Variants in IKZF3 observed in about 807,000 individuals in gnomAD.
IKZF3 encodes zinc finger protein Aiolos.
IKZF3 carries 10 observed loss-of-function variants against 49.0 expected under a neutral mutation model. That is an observed-to-expected ratio of 0.20 (90% CI 0.13 to 0.35). The LOEUF is 0.35. IKZF3 is among the 10% of genes least tolerant of loss of function. The pLI is 1.00. For missense variants in IKZF3, 498 were observed against 664.8 expected (o/e 0.75, Z 2.76); for synonymous variants, 209 against 228.2 (o/e 0.92, Z 0.76).
At chr17:39,820,762 C>A (rs2061790362) in intron 3 of IKZF3, among the ~76,000 whole-genome samples, 1 of 152,174 alleles carries the variant, frequency 6.6e-6, no homozygotes, top group Non-Finnish European at 1.5e-5. Context: ...GGCCACTAGA[C>A]AGCCTCAGGA....
At chr17:39,780,902 G>A (rs569451709) in intron 6 of IKZF3, among the ~76,000 whole-genome samples, 1 of 152,338 alleles carries the variant, frequency 6.6e-6, no homozygotes, top group Admixed American at 6.5e-5. Flanking sequence ...ATATTTACTA[G>A]ACAGTGAGTT....
intron 3 of IKZF3, among the ~76,000 whole-genome samples, chr17:39,809,654 A>G (rs928400551): frequency 1.3e-5 from 2 of 152,258 alleles, no homozygotes; most frequent in Non-Finnish European, 2.9e-5. Flanking sequence ...TGTCAGGGGC[A>G]GATGATGTCT....
intron 6 of IKZF3, among the ~76,000 whole-genome samples, chr17:39,784,071 C>A (rs748113063): frequency 6.6e-6 from 1 of 152,158 alleles, no homozygotes; most frequent in South Asian, 2.1e-4. Flanking sequence ...GCTTGAAGAA[C>A]TATTGAAGAT....
intron 1 of IKZF3, among the ~76,000 whole-genome samples, chr17:39,851,594 A>G (rs2062877421): frequency 6.6e-6 from 1 of 152,204 alleles, no homozygotes; most frequent in Admixed American, 6.5e-5. Context: ...TTTATATGAA[A>G]TTCAACAACA....
intron 3 of IKZF3, among the ~76,000 whole-genome samples, chr17:39,813,451 C>A (rs758384044): frequency 1.3e-5 from 2 of 151,840 alleles, no homozygotes. Context: ...TTGAGACTAG[C>A]CTGGGCAACA....
At chr17:39,844,750 G>A (rs2062579813) in intron 1 of IKZF3, among the ~76,000 whole-genome samples, 2 of 152,056 alleles carry the variant, frequency 1.3e-5, no homozygotes, top group South Asian at 2.1e-4. Context: ...AGCCTCCCAA[G>A]TAGCTGGGAT....
chr17:39,811,381 AGGAAGGAAGAAAGGAC>A (rs71152604), intron 3 of IKZF3, among the ~76,000 whole-genome samples: 7,246 of 149,032 alleles, frequency 0.049, 248 homozygotes, highest in African/African-American at 0.097. Flanking sequence ...GAAGGAAGGA[AGGAAGGAAGAAAGGAC>A]GGAAGGAAGA....
At chr17:39,795,211 G>C (rs1011422568) in intron 3 of IKZF3, among the ~76,000 whole-genome samples, 2 of 152,116 alleles carry the variant, frequency 1.3e-5, no homozygotes, top group African/African-American at 2.4e-5. Flanking sequence ...CTTAGCTTTA[G>C]TCCTTTAGGA....
At chr17:39,793,024 A>G (rs1234017138) in intron 3 of IKZF3, 91 bp from the exon 4 acceptor site, 2 of 1,270,296 alleles carry the variant, frequency 1.6e-6, no homozygotes, top group Non-Finnish European at 2.2e-6. Context: ...CTGACAATTA[A>G]ATACCAATCG....
At position 39,762,134 on chromosome 17, in the gene IKZF3, T is replaced by C. The variant is rs530709937; in HGVS notation, c.*3656A>G. On this transcript the variant is annotated 3_prime_UTR_variant, in exon 8 of 8. Coordinates refer to ENST00000346872, the MANE Select transcript of IKZF3 (RefSeq NM_012481.5). Reference sequence around the variant, plus strand: ...GGCTCTTGTTCAGAGGGAGTCTGCATGAGAAAGTACAGGTACTATCTGAAG... The same window carrying C: ...GGCTCTTGTTCAGAGGGAGTCTGCACGAGAAAGTACAGGTACTATCTGAAG... The C allele has an allele frequency of 1.3e-5, 2 of 152,320 alleles. No individual in the cohort carries two copies. Among genetic ancestry groups the C allele is most frequent in the South Asian group, 4.1e-4 (2 of 4,830 alleles). The allele number at this position is 152,320 out of a possible 1,614,324, so 9.4% of individuals were successfully genotyped here.
chr17:39,795,562 A>G (rs1415283731), intron 3 of IKZF3, among the ~76,000 whole-genome samples: 1 of 151,702 alleles, frequency 6.6e-6, no homozygotes. Context: ...ATGCACCACA[A>G]TGCCTGGCTG....
chr17:39,804,146 T>C (rs562338171), intron 3 of IKZF3, among the ~76,000 whole-genome samples: 23 of 152,188 alleles, frequency 1.5e-4, no homozygotes, highest in African/African-American at 5.1e-4. Flanking sequence ...ACTTTAGAAA[T>C]TGAATGAATG....
At chr17:39,786,859 A>T (rs559229683) in intron 6 of IKZF3, among the ~76,000 whole-genome samples, 9 of 152,322 alleles carry the variant, frequency 5.9e-5, no homozygotes, top group African/African-American at 2.2e-4. Flanking sequence ...CAACTCCTTG[A>T]TAAAACCAAA....
intron 3 of IKZF3, among the ~76,000 whole-genome samples, chr17:39,805,862 C>G (rs983035436): frequency 6.6e-6 from 1 of 152,208 alleles, no homozygotes; most frequent in Non-Finnish European, 1.5e-5. Context: ...ATCTGGCCAA[C>G]AAACTGCAAT....
chr17:39,838,016 T>C (rs1337169420), intron 1 of IKZF3, among the ~76,000 whole-genome samples: 1 of 152,200 alleles, frequency 6.6e-6, no homozygotes, highest in East Asian at 1.9e-4. Flanking sequence ...GTGTTCCTTT[T>C]CTCTAAGTGC....
At position 39,765,104 on chromosome 17, in the gene IKZF3, TC is replaced by T. The variant is rs1357752975; in HGVS notation, c.*685del. ...CCATGAGTTCTTCTGGCATAGATTT[TC>T]TTCTATAGACAACTGGTTTAGCCCA... On this transcript the variant is annotated 3_prime_UTR_variant, in exon 8 of 8. Coordinates refer to ENST00000346872, the MANE Select transcript of IKZF3 (RefSeq NM_012481.5). 6.6e-6 allele frequency: 1 copy of T among 152,360 alleles called. No individual in the cohort carries two copies. Among genetic ancestry groups the T allele is most frequent in the African/African-American group, 2.4e-5 (1 of 41,454 alleles). 9.4% of individuals were successfully genotyped at this position (152,360 alleles called of 1,614,324 possible).
chr17:39,820,089 C>T (rs2061769295), intron 3 of IKZF3, among the ~76,000 whole-genome samples: 1 of 152,102 alleles, frequency 6.6e-6, no homozygotes, highest in African/African-American at 2.4e-5. Flanking sequence ...ACAGTAGGGC[C>T]AGGTACTGTT....
Position 39,792,765 on chromosome 17 carries a change from C to T in IKZF3, c.332G>A (p.Ser111Asn). Residue 111 changes from serine to asparagine, a missense_variant, in exon 4 of 8, where the codon AGC becomes AAC. Transcript: ENST00000346872. ...LERHVVSFDS[S>N]RPTSGKMNCD... ...GTTCATCTTTCCACTGGTTGGCCTG[C>T]TACTATCGAATGAGACAACATGTCT... is the stretch of plus-strand genomic sequence containing the variant. 4 of 1,614,136 alleles carry T rather than the reference C, an allele frequency of 2.5e-6. No homozygotes were observed. Among genetic ancestry groups the T allele is most frequent in the Non-Finnish European group, 3.4e-6 (4 of 1,179,980 alleles).
At chr17:39,802,318 C>T (rs1245631510) in intron 3 of IKZF3, among the ~76,000 whole-genome samples, 1 of 147,370 alleles carries the variant, frequency 6.8e-6, no homozygotes, top group African/African-American at 2.5e-5. Context: ...CATTGAAATA[C>T]ATTTTTGGCC....
Sources: gnomAD v4.1 joint callset for allele counts (sites outside exome capture counted in the v4.1 genomes callset) on GRCh38, gnomAD v4.1.1 for gene constraint, MANE v1.5 for transcripts, NCBI Gene and HGNC (gene_info 2026-07-23, HGNC 2026-07-21) for gene names.